ATP6V1C2: variants seen among roughly 807,000 people sequenced by gnomAD.
The protein encoded by ATP6V1C2 is ATPase H+ transporting V1 subunit C2.
In ATP6V1C2, 45 loss-of-function variants were observed where a neutral mutation model predicts 56.8. The ratio of observed to expected loss-of-function variants is 0.79; its 90% confidence interval spans 0.62 to 1.02. The LOEUF (loss-of-function observed/expected upper bound fraction) is 1.02, where lower values mean the gene tolerates loss of function less well. ATP6V1C2 is among the 50% of genes least tolerant of loss of function. ATP6V1C2 has a pLI of 0.00. For synonymous variants in ATP6V1C2, 220 were observed against 201.3 expected, an observed-to-expected ratio of 1.09 and a Z score of -0.79; for missense variants, 463 against 519.7, an observed-to-expected ratio of 0.89 and a Z score of 1.06.
At chr2:10,740,743 G>A (rs1662504873) in intron 3 of ATP6V1C2, among the ~76,000 whole-genome samples, 1 of 152,188 alleles carries the variant, frequency 6.6e-6, no homozygotes, top group East Asian at 1.9e-4. Context: ...CTGGAGTGCA[G>A]TGGCGCTGTG....
At chr2:10,728,715 G>T (rs1661784986) in intron 3 of ATP6V1C2, among the ~76,000 whole-genome samples, 1 of 149,684 alleles carries the variant, frequency 6.7e-6, no homozygotes, top group Non-Finnish European at 1.5e-5. Context: ...GTTTGAAGCT[G>T]CAGTGACCAA....
intron 6 of ATP6V1C2, among the ~76,000 whole-genome samples, chr2:10,770,214 C>T (rs1664501195): frequency 6.6e-6 from 1 of 152,126 alleles, no homozygotes; most frequent in South Asian, 2.1e-4. Context: ...GCCTGACCAA[C>T]ATAGAGGAAC....
intron 3 of ATP6V1C2, among the ~76,000 whole-genome samples, chr2:10,743,480 C>T (rs1572531022): frequency 6.6e-6 from 1 of 151,780 alleles, no homozygotes; most frequent in African/African-American, 2.4e-5. Context: ...GAAATGGCTT[C>T]CTGTCTTTTG....
intron 8 of ATP6V1C2, among the ~76,000 whole-genome samples, chr2:10,773,754 G>T (rs758545504): frequency 9.2e-5 from 14 of 152,200 alleles, no homozygotes; most frequent in Non-Finnish European, 2.1e-4. Context: ...TTTAGAATGC[G>T]CGTCAGGCAG....
At position 10,764,390 on chromosome 2, in the gene ATP6V1C2, C is replaced by T. The variant is rs770337580; in HGVS notation, c.343C>T (p.Gln115Ter). The T allele has an allele frequency of 3.1e-6, 5 of 1,614,146 alleles. No homozygotes were observed. The Admixed American group carries it at 5.0e-5, about 16-fold the overall frequency. Residue 115 changes from glutamine to a stop codon, truncating the protein, a stop_gained, in exon 5 of 14, where the codon CAG (glutamine) becomes TAG (stop). Transcript: ENST00000272238. LOFTEE classifies it high-confidence loss of function. ...GGACATGGCCAAATATCCTGTCAAG[C>T]AGCCGCTCGTGAGTGTGGTGGACAC... ...EWDMAKYPVKQPLVSVVDTIA... is the reference protein window; with the variant it reads ...EWDMAKYPVK
chr2:10,746,908 T>A lies in ATP6V1C2; in HGVS notation c.198-7073T>A, dbSNP rs181795481. Among the ~76,000 whole-genome samples, 47 of 152,358 alleles carry A rather than the reference T, an allele frequency of 3.1e-4. 1 individual carries two copies. In the East Asian group the frequency reaches 7.5e-3, roughly 24 times the overall value. ...ACATAATTTTTTAAGTGGGGTTATATGCTTTACATGCCTAAATGCTTTATT... is the reference window on the plus strand; with the variant it reads ...ACATAATTTTTTAAGTGGGGTTATAAGCTTTACATGCCTAAATGCTTTATT... On this transcript the variant is annotated intron_variant, in intron 3 of 13. Coordinates refer to ENST00000272238, the MANE Select transcript of ATP6V1C2 (RefSeq NM_001039362.2).
chr2:10,784,161 GGTAGAGTCATCTGAGT>G lies in ATP6V1C2; in HGVS notation c.*905_*920del. 1 of 846,028 alleles carries G rather than the reference GGTAGAGTCATCTGAGT, an allele frequency of 1.2e-6. No individual in the cohort carries two copies. 52.4% of individuals were successfully genotyped at this position (846,028 alleles called of 1,614,324 possible). A position where few individuals can be genotyped will look rare whatever the true frequency, so the allele number is the denominator to read the frequency against. On this transcript the variant is annotated 3_prime_UTR_variant, in exon 14 of 14. Transcript: ENST00000272238. Reference sequence around the variant, plus strand: ...ACTACTTCTTGGTTAAAAGGCCACTGGTAGAGTCATCTGAGTGTAGAGAATGTCCCTTCACTGCTGG... The same window carrying G: ...ACTACTTCTTGGTTAAAAGGCCACTGGTAGAGAATGTCCCTTCACTGCTGG...
At chr2:10,744,778 C>G (rs1051928446) in intron 3 of ATP6V1C2, among the ~76,000 whole-genome samples, 3 of 149,794 alleles carry the variant, frequency 2.0e-5, no homozygotes, top group Non-Finnish European at 4.4e-5. Context: ...AAGCAATTCT[C>G]CTGCCTCTGC....
intron 3 of ATP6V1C2, among the ~76,000 whole-genome samples, chr2:10,731,672 G>A (rs1247251590): frequency 3.3e-5 from 5 of 152,108 alleles, no homozygotes; most frequent in Non-Finnish European, 7.4e-5. Flanking sequence ...CAGGAAGGTT[G>A]GCTTAAGAAA....
Position 10,763,852 on chromosome 2 carries a change from C to G in ATP6V1C2, c.284-479C>G, listed in dbSNP as rs1326916003. Among the ~76,000 whole-genome samples the G allele has an allele frequency of 6.6e-6, 1 of 152,138 alleles. No homozygotes were observed. The highest frequency in any genetic ancestry group is 1.5e-5 in the Non-Finnish European group (1 of 68,022). On this transcript the variant is annotated intron_variant, in intron 4 of 13. Transcript: ENST00000272238. This position sits in a 1 kb window ranked among gnomAD's most constrained non-coding sequence, Gnocchi z 4.2. ...GAGGTTTATTCAGTGTTGCTTCTTT[C>G]TGACTTCAATTCTGGGGCTCTCTCC...
Position 10,750,294 on chromosome 2 carries a change from A to G in ATP6V1C2, c.198-3687A>G, listed in dbSNP as rs1217330012. 2.0e-5 allele frequency among the ~76,000 whole-genome samples: 3 copies of G among 152,270 alleles called. No individual in the cohort carries two copies. The East Asian group carries it at 5.8e-4, about 29-fold the overall frequency. On this transcript the variant is annotated intron_variant, in intron 3 of 13. Transcript: ENST00000272238. The stretch of plus-strand genomic sequence containing the variant: ...CACTTTGGGAGGCCGAGGCAGGTGG[A>G]TTGCTTGAGCTCAGGGGTTTGAGAC...
intron 3 of ATP6V1C2, among the ~76,000 whole-genome samples, chr2:10,749,478 A>G (rs1394430562): frequency 6.6e-6 from 1 of 152,230 alleles, no homozygotes; most frequent in African/African-American, 2.4e-5. Context: ...AGAAATGCAA[A>G]TCAAAGCAAC....
chr2:10,749,453 C>G (rs981505108), intron 3 of ATP6V1C2, among the ~76,000 whole-genome samples: 10 of 152,104 alleles, frequency 6.6e-5, no homozygotes, highest in Admixed American at 6.6e-4. Flanking sequence ...GATGTCCAGC[C>G]TCACTGATGA....
At chr2:10,747,229 T>C (rs1662966587) in intron 3 of ATP6V1C2, among the ~76,000 whole-genome samples, 1 of 152,052 alleles carries the variant, frequency 6.6e-6, no homozygotes, top group South Asian at 2.1e-4. Context: ...GATCACACCA[T>C]TGCACTCAAG....
rs1174263251 is a variant in ATP6V1C2, at chr2:10,763,780, G to T, written c.284-551G>T. ...TGCCACTCCGCTGTGTCTCAGGTAG[G>T]GAAATTGATTCCCTCCTAGCCTAGA... On this transcript the variant is annotated intron_variant, in intron 4 of 13. Coordinates refer to ENST00000272238, the MANE Select transcript of ATP6V1C2 (RefSeq NM_001039362.2). This position sits in a 1 kb window ranked among gnomAD's most constrained non-coding sequence, Gnocchi z 4.2. Among the ~76,000 whole-genome samples, 1 of 152,180 alleles carries T rather than the reference G, an allele frequency of 6.6e-6. No homozygotes were observed. Among genetic ancestry groups the T allele is most frequent in the Non-Finnish European group, 1.5e-5 (1 of 68,040 alleles).
chr2:10,770,925 G>A (rs1456819176), intron 6 of ATP6V1C2, among the ~76,000 whole-genome samples: 4 of 152,200 alleles, frequency 2.6e-5, no homozygotes, highest in Admixed American at 1.3e-4. Context: ...TTCAACAAAC[G>A]TGTGGAAAGT....
intron 4 of ATP6V1C2, among the ~76,000 whole-genome samples, chr2:10,759,665 G>A (rs1370904287): frequency 6.6e-6 from 1 of 152,132 alleles, no homozygotes; most frequent in Admixed American, 6.5e-5. Context: ...CAGAGGGCAA[G>A]CTGTGGTGCT....
At chr2:10,730,331 G>C (rs774737599) in intron 3 of ATP6V1C2, among the ~76,000 whole-genome samples, 8 of 152,090 alleles carry the variant, frequency 5.3e-5, no homozygotes, top group Non-Finnish European at 1.0e-4. Context: ...GGGCAGGCTG[G>C]TCTCGAACTC....
chr2:10,777,862 A>G lies in ATP6V1C2; in HGVS notation c.963+140A>G, dbSNP rs1665098277. 5 of 1,114,040 alleles carry G rather than the reference A, an allele frequency of 4.5e-6. 1 individual carries two copies. In the Admixed American group the frequency reaches 9.3e-5, roughly 21 times the overall value. 69.0% of individuals were successfully genotyped at this position (1,114,040 alleles called of 1,614,324 possible). On this transcript the variant is annotated intron_variant, in intron 11 of 13. Transcript: ENST00000272238. Reference sequence around the variant, plus strand: ...GTCTTAAATTTGAGGAGCCGGAATCATGCCTTCCTCCTAATCTGCAGGGCC... The same window carrying G: ...GTCTTAAATTTGAGGAGCCGGAATCGTGCCTTCCTCCTAATCTGCAGGGCC...
Sources: allele counts gnomAD v4.1 joint callset (sites outside exome capture counted in the v4.1 genomes callset), GRCh38; gene constraint gnomAD v4.1.1; non-coding constraint Gnocchi (gnomAD v3.1); transcripts MANE v1.5; gene names NCBI Gene and HGNC (gene_info 2026-07-23, HGNC 2026-07-21).